CCDC146: variants seen among roughly 807,000 people sequenced by gnomAD.
CCDC146 encodes coiled-coil domain-containing protein 146.
CCDC146 carries 92 observed loss-of-function variants against 119.3 expected under a neutral mutation model. That is an observed-to-expected ratio of 0.77 (90% CI 0.65 to 0.92). The LOEUF is 0.92. Among genes scored for constraint, CCDC146 ranks in the 40% least tolerant of loss-of-function variants. The pLI, the probability that CCDC146 is intolerant of heterozygous loss-of-function variation, is 0.00. For missense variants in CCDC146, 1,000 were observed against 1,103.0 expected (o/e 0.91, Z 1.32); for synonymous variants, 372 against 371.8 (o/e 1.00, Z -0.01).
chr7:77,287,556 C>T lies in CCDC146; in HGVS notation c.2394C>T (p.Asp798=). The T allele has an allele frequency of 6.2e-7, 1 of 1,613,708 alleles. No individual in the cohort carries two copies. Among genetic ancestry groups the T allele is most frequent in the Non-Finnish European group, 8.5e-7 (1 of 1,179,938 alleles). The change falls in exon 17 of 19, where the codon GAC becomes GAT. Residue 798 remains aspartate (D), a synonymous_variant. Transcript: ENST00000285871. ...LCSKTQGCKQ[D]TLLLAKKMNG... is the part of the protein sequence containing the mutation. ...GCAAAACTCAGGGCTGCAAGCAGGACACACTGCTCTTAGCCAAGAAGGTAG... is the reference window on the plus strand; with the variant it reads ...GCAAAACTCAGGGCTGCAAGCAGGATACACTGCTCTTAGCCAAGAAGGTAG...
intron 2 of CCDC146, among the ~76,000 whole-genome samples, chr7:77,179,630 G>A (rs1286015480): frequency 1.3e-5 from 2 of 151,932 alleles, no homozygotes; most frequent in African/African-American, 4.8e-5. Context: ...CTTTATACAT[G>A]CATCATTTAA....
Position 77,241,892 on chromosome 7 carries a change from A to G in CCDC146, c.441A>G (p.Arg147=). 1 of 1,609,202 alleles carries G rather than the reference A, an allele frequency of 6.2e-7. No individual in the cohort carries two copies. ...VKEREFHNQY[R]LNSLKEEKII... ...AAAGAGAGTTCCATAATCAGTACAG[A>G]TTAAATAGGTAAGTGCACAGTTCTC... is the stretch of plus-strand genomic sequence containing the variant. Residue 147 remains arginine (R), a synonymous_variant, in exon 4 of 19, where the codon AGA becomes AGG. Transcript: ENST00000285871.
chr7:77,267,444 G>A (rs1411425903), intron 9 of CCDC146, among the ~76,000 whole-genome samples: 4 of 151,860 alleles, frequency 2.6e-5, no homozygotes, highest in African/African-American at 7.3e-5. Flanking sequence ...TGTTTCTTCA[G>A]CCAGTTCTTT....
chr7:77,259,710 C>T (rs1253667837), intron 7 of CCDC146, among the ~76,000 whole-genome samples: 2 of 152,102 alleles, frequency 1.3e-5, no homozygotes, highest in Non-Finnish European at 2.9e-5. Flanking sequence ...GGAGGCTGGT[C>T]AGGACGAGGG....
intron 1 of CCDC146, among the ~76,000 whole-genome samples, chr7:77,160,429 T>A (rs941364649): frequency 6.6e-6 from 1 of 152,120 alleles, no homozygotes; most frequent in Non-Finnish European, 1.5e-5. Context: ...TTTGTTTGTA[T>A]CCTCTTTTAT....
intron 2 of CCDC146, among the ~76,000 whole-genome samples, chr7:77,230,494 ATGTGTG>A (rs71524923): frequency 6.7e-6 from 1 of 149,232 alleles, no homozygotes; most frequent in African/African-American, 2.5e-5. Context: ...GTTGACAGGT[ATGTGTG>A]TGTGTGTGTG....
At chr7:77,174,465 A>G (rs1461258172) in intron 2 of CCDC146, among the ~76,000 whole-genome samples, 1 of 152,196 alleles carries the variant, frequency 6.6e-6, no homozygotes, top group Admixed American at 6.6e-5. Flanking sequence ...TCTGCACTCA[A>G]ATTTATATCC....
intron 18 of CCDC146, among the ~76,000 whole-genome samples, 182 bp from the exon 19 acceptor site, chr7:77,294,463 GGTGTGTGTGTGTGTGTGT>G (rs61323999): frequency 2.0e-4 from 27 of 134,312 alleles, no homozygotes; most frequent in African/African-American, 6.1e-4. Context: ...ATGAGAGGTA[GGTGTGTGTGTGTGTGTGT>G]GTGTGTGTGT....
Position 77,237,168 on chromosome 7 carries a change from C to T in CCDC146, c.239+139C>T, listed in dbSNP as rs116414118. 5.9e-3 allele frequency: 3,974 copies of T among 673,098 alleles called. 105 individuals carry two copies. The African/African-American group carries it at 0.061, about 10-fold the overall frequency. 41.7% of individuals were successfully genotyped at this position (673,098 alleles called of 1,614,324 possible). The stretch of plus-strand genomic sequence containing the variant: ...CGTTCAGGGAGTTTGAGAAGTGGTA[C>T]GAGAAAGCATCGTGAGAGAGTGGGG... On this transcript the variant is annotated intron_variant, in intron 3 of 18. Transcript: ENST00000285871.
chr7:77,261,425 A>C (rs936599450), intron 8 of CCDC146, among the ~76,000 whole-genome samples: 1 of 151,670 alleles, frequency 6.6e-6, no homozygotes, highest in African/African-American at 2.4e-5. Flanking sequence ...CTCCAGCTCC[A>C]CCCACGTTCC....
At chr7:77,238,583 A>AT (rs1300476446) in intron 3 of CCDC146, among the ~76,000 whole-genome samples, 5 of 151,984 alleles carry the variant, frequency 3.3e-5, no homozygotes, top group East Asian at 1.9e-4. Flanking sequence ...CACCCAGCTA[A>AT]TTTTTTTGTA....
At chr7:77,247,461 T>TAC (rs1792975260) in intron 4 of CCDC146, among the ~76,000 whole-genome samples, 1 of 152,246 alleles carries the variant, frequency 6.6e-6, no homozygotes, top group Non-Finnish European at 1.5e-5. Context: ...ACCACTAATG[T>TAC]ATATGCAAGC....
chr7:77,282,822 T>G, intron 15 of CCDC146, 37 bp downstream of exon 15: 1 of 1,464,458 alleles, frequency 6.8e-7, no homozygotes, highest in Non-Finnish European at 9.5e-7. Flanking sequence ...CTCAGACCAT[T>G]TATTTTTTTC....
chr7:77,212,284 TAATAAG>T (rs1792199633), intron 2 of CCDC146, among the ~76,000 whole-genome samples: 1 of 152,196 alleles, frequency 6.6e-6, no homozygotes, highest in African/African-American at 2.4e-5. Context: ...TTTCCTATTA[TAATAAG>T]AATAAGCTTT....
In CCDC146 at chr7:77,260,065, C is replaced by A. The variant is rs771435934; in HGVS notation, c.815C>A (p.Ser272Tyr). 1 of 1,612,310 alleles carries A rather than the reference C, an allele frequency of 6.2e-7. No homozygotes were observed. Among genetic ancestry groups the A allele is most frequent in the South Asian group, 1.1e-5 (1 of 91,024 alleles). Residue 272 changes from serine (S) to tyrosine (Y), a missense_variant, in exon 8 of 19, where the codon TCC becomes TAC. Ser to Tyr is a moderately radical substitution (Grantham distance 144). Transcript: ENST00000285871. ...LEQEVKTLND[S>Y]LKKVENKVSA... Reference sequence around the variant, plus strand: ...CAAGAAGTCAAAACGCTAAATGACTCCCTAAAGAAAGTTGAAAACAAGGTT... The same window carrying A: ...CAAGAAGTCAAAACGCTAAATGACTACCTAAAGAAAGTTGAAAACAAGGTT...
rs538235206 is a variant in CCDC146 at position 77,226,793 on chromosome 7, G to A, written c.157-10154G>A. On this transcript the variant is annotated intron_variant, in intron 2 of 18. Coordinates refer to ENST00000285871, the MANE Select transcript of CCDC146 (RefSeq NM_020879.3). ...TGAGTTCTGCACCCACTTGTATCAT[G>A]CAATGTGAAAATGCAACCATTTTCC... Among the ~76,000 whole-genome samples the A allele has an allele frequency of 3.3e-4, 50 of 152,312 alleles. 1 individual carries two copies. Among genetic ancestry groups the A allele is most frequent in the African/African-American group, 1.1e-3 (46 of 41,564 alleles).
At chr7:77,284,553 A>G (rs1463877952) in intron 15 of CCDC146, among the ~76,000 whole-genome samples, 1 of 152,114 alleles carries the variant, frequency 6.6e-6, no homozygotes, top group Non-Finnish European at 1.5e-5. Context: ...CTGCAACAGA[A>G]TAATTTCCTC....
chr7:77,141,230 C>T (rs1376646442), intron 1 of CCDC146, among the ~76,000 whole-genome samples: 1 of 152,162 alleles, frequency 6.6e-6, no homozygotes, highest in Non-Finnish European at 1.5e-5. Context: ...TCATCCATGT[C>T]CCTGCAAAGG....
At chr7:77,140,525 G>C (rs1367376373) in intron 1 of CCDC146, among the ~76,000 whole-genome samples, 1 of 152,142 alleles carries the variant, frequency 6.6e-6, no homozygotes, top group Non-Finnish European at 1.5e-5. Flanking sequence ...GGTGGAGTTA[G>C]AGAGGAAGGA....
Sources: allele counts gnomAD v4.1 joint callset (sites outside exome capture counted in the v4.1 genomes callset), GRCh38; gene constraint gnomAD v4.1.1; transcripts MANE v1.5; gene names NCBI Gene and HGNC (gene_info 2026-07-23, HGNC 2026-07-21).